RASL12: variants seen among roughly 807,000 people sequenced by gnomAD.
The protein encoded by RASL12 is RAS like family 12.
Under a neutral mutation model 22.9 loss-of-function variants are expected in RASL12, and 16 were observed. That is an observed-to-expected ratio of 0.70 (90% CI 0.47 to 1.06). The LOEUF is 1.06. RASL12 is among the 50% of genes least tolerant of loss of function. The pLI is 0.00. For synonymous variants in RASL12, 159 were observed against 152.2 expected (o/e 1.04, Z -0.33); for missense variants, 306 against 353.1 (o/e 0.87, Z 1.07).
chr15:65,046,354 C>T, the RASL12 span, among the ~76,000 whole-genome samples: 1 of 151,988 alleles, frequency 6.6e-6, no homozygotes, highest in African/African-American at 2.4e-5. Flanking sequence ...CCTATAATCA[C>T]AGCTACTTGG....
intron 1 of RASL12, among the ~76,000 whole-genome samples, chr15:65,076,102 C>T (rs1165906484): frequency 2.0e-5 from 3 of 152,220 alleles, no homozygotes; most frequent in Non-Finnish European, 4.4e-5. Flanking sequence ...AAACAGGCCA[C>T]TTGGCTCTAC....
chr15:65,059,706 G>A (rs1432750050), intron 2 of RASL12, among the ~76,000 whole-genome samples: 1 of 152,154 alleles, frequency 6.6e-6, no homozygotes, highest in Admixed American at 6.5e-5. Context: ...GGATAGAGTC[G>A]AGTGTGTGGC....
At chr15:65,059,236 A>G in intron 3 of RASL12, 109 bp downstream of exon 3, 2 of 893,180 alleles carry the variant, frequency 2.2e-6, no homozygotes, top group South Asian at 1.4e-5. Context: ...AGCAAAGTTG[A>G]GCTTAAAAGG....
chr15:65,076,458 A>C lies in RASL12; in HGVS notation c.70+71T>G, dbSNP rs140745857. The C allele has an allele frequency of 1.7e-3, 1,053 of 609,838 alleles. 9 individuals carry two copies. The highest frequency in any genetic ancestry group is 5.3e-3 in the South Asian group (257 of 48,454). The allele number at this position is 609,838 out of a possible 1,614,324, so 37.8% of individuals were successfully genotyped here. On this transcript the variant is annotated intron_variant, in intron 1 of 4. Coordinates refer to the RASL12 transcript ENST00000434605. Reference sequence around the variant, plus strand: ...GACCATGAACCCACCAGAAGGAAGAAACTCCAAACACATCTGAACATCAGA... The same window carrying C: ...GACCATGAACCCACCAGAAGGAAGACACTCCAAACACATCTGAACATCAGA...
downstream of RASL12, chr15:65,049,806 T>A: frequency 3.5e-4 from 137 of 389,214 alleles, no homozygotes; most frequent in Middle Eastern, 7.1e-4. Flanking sequence ...TTTTGTCCCA[T>A]AACTTTGGGC....
Position 65,076,576 on chromosome 15 carries a change from A to G in RASL12, c.23T>C (p.Leu8Ser), listed in dbSNP as rs766443522. 43 of 702,734 alleles carry G rather than the reference A, an allele frequency of 6.1e-5. 1 individual carries two copies. Among genetic ancestry groups the G allele is most frequent in the African/African-American group, 4.7e-4 (27 of 57,276 alleles). 43.5% of individuals were successfully genotyped at this position (702,734 alleles called of 1,614,324 possible). A position where few individuals can be genotyped will look rare whatever the true frequency, so the allele number is the denominator to read the frequency against. ...CTTGAAGTCAGACCAAGAACCCACC[A>G]ATTCTGGACCCATTATTACCATTTC... Residue 8 changes from leucine to serine, a missense_variant, in exon 1 of 5, where the codon TTG becomes TCG. Transcript: ENST00000434605.
upstream of RASL12, among the ~76,000 whole-genome samples, chr15:65,072,022 C>G (rs1221349879): frequency 6.6e-6 from 1 of 152,222 alleles, no homozygotes; most frequent in Non-Finnish European, 1.5e-5. Context: ...CACTCTTTCC[C>G]TACCACTAAG....
downstream of RASL12, chr15:65,050,111 G>T: frequency 6.4e-7 from 1 of 1,550,570 alleles, no homozygotes; most frequent in South Asian, 1.2e-5. Flanking sequence ...GGTAAGTGGT[G>T]AGAGATTGAC....
chr15:65,068,337 G>GCCC, upstream of RASL12: 4 of 973,358 alleles, frequency 4.1e-6, no homozygotes, highest in Non-Finnish European at 4.9e-6. The surrounding 1 kb of genome is among the most constrained non-coding windows in gnomAD (Gnocchi z 4.2). Flanking sequence ...TACCAAGCCA[G>GCCC]CCCCGCCTCC....
At position 65,067,717 on chromosome 15, in the gene RASL12, C is replaced by T. The variant is rs774114867; in HGVS notation, c.103+16G>A. 9.7e-6 allele frequency: 15 copies of T among 1,540,660 alleles called. No individual in the cohort carries two copies. Among genetic ancestry groups the T allele is most frequent in the Middle Eastern group, 3.4e-4 (2 of 5,968 alleles). Reference sequence around the variant, plus strand: ...AGCTCCGCACTTGGCGGCTCAGGCTCCCCGGCGCCACTCACCAGACTTGCC... The same window carrying T: ...AGCTCCGCACTTGGCGGCTCAGGCTTCCCGGCGCCACTCACCAGACTTGCC... On this transcript the variant is annotated intron_variant, in intron 1 of 4. Coordinates refer to ENST00000220062, the MANE Select transcript of RASL12 (RefSeq NM_016563.4).
intron 4 of RASL12, among the ~76,000 whole-genome samples, chr15:65,057,857 A>T (rs2086751566): frequency 6.6e-6 from 1 of 152,182 alleles, no homozygotes; most frequent in Admixed American, 6.5e-5. Context: ...ACAGAGACCC[A>T]AGAGCGCGGA....
intron 2 of RASL12, among the ~76,000 whole-genome samples, chr15:65,063,839 A>C (rs1176097337): frequency 1.3e-5 from 2 of 152,246 alleles, no homozygotes; most frequent in Non-Finnish European, 2.9e-5. Context: ...GCTGGGCACC[A>C]CTAGGGTAAG....
At chr15:65,050,652 A>T (rs111573357), downstream of RASL12, among the ~76,000 whole-genome samples, 39 of 152,070 alleles carry the variant, frequency 2.6e-4, no homozygotes, top group Non-Finnish European at 5.3e-4. Flanking sequence ...ACATTCCTGG[A>T]GGGAGGACAG....
At chr15:65,059,515 T>TA (rs1264472067) in intron 2 of RASL12, 97 bp from the exon 3 acceptor site, 9 of 909,020 alleles carry the variant, frequency 9.9e-6, no homozygotes, top group Non-Finnish European at 1.6e-5. Flanking sequence ...GGGGGGACCT[T>TA]AGCAGCTGCT....
chr15:65,065,824 G>C lies in RASL12; in HGVS notation c.104-551C>G, dbSNP rs574813327. Among the ~76,000 whole-genome samples, 9 of 152,250 alleles carry C rather than the reference G, an allele frequency of 5.9e-5. No homozygotes were observed. In the East Asian group the frequency reaches 1.7e-3, roughly 29 times the overall value. ...TCCCGAAGAAACACACTCTGGTCCT[G>C]GTCTCCCACATCGCAAGTCTTGGCT... On this transcript the variant is annotated intron_variant, in intron 1 of 4. Transcript: ENST00000220062.
the RASL12 span, among the ~76,000 whole-genome samples, chr15:65,046,773 C>A: frequency 1.3e-5 from 2 of 151,792 alleles, no homozygotes; most frequent in Admixed American, 6.6e-5. Context: ...ATTAGCCGGG[C>A]GTGGTGGCAC....
intron 1 of RASL12, among the ~76,000 whole-genome samples, chr15:65,075,545 C>T (rs1198355577): frequency 6.6e-6 from 1 of 152,220 alleles, no homozygotes; most frequent in African/African-American, 2.4e-5. Context: ...GTGAATACAC[C>T]AATCGGCACT....
chr15:65,046,932 AAC>A, the RASL12 span, among the ~76,000 whole-genome samples: 1 of 152,020 alleles, frequency 6.6e-6, no homozygotes, highest in East Asian at 1.9e-4. Flanking sequence ...AAAACAAAAA[AAC>A]ACCACTCCAC....
rs979048825 is a variant in RASL12, at chr15:65,067,916, G to C, written c.-81C>G. 7.4e-7 allele frequency: 1 copy of C among 1,342,750 alleles called. No homozygotes were observed. Among genetic ancestry groups the C allele is most frequent in the Non-Finnish European group, 9.5e-7 (1 of 1,051,480 alleles). 83.2% of individuals were successfully genotyped at this position (1,342,750 alleles called of 1,614,324 possible). ...CCCGCCCGTCGGGGCCCAGGGGAGCGGGATGCAGGCTTCCCTGGAGCGCGC... is the reference window on the plus strand; with the variant it reads ...CCCGCCCGTCGGGGCCCAGGGGAGCCGGATGCAGGCTTCCCTGGAGCGCGC... On this transcript the variant is annotated 5_prime_UTR_variant, in exon 1 of 5. Coordinates refer to ENST00000220062, the MANE Select transcript of RASL12 (RefSeq NM_016563.4).
Sources: allele counts gnomAD v4.1 joint callset (sites outside exome capture counted in the v4.1 genomes callset), GRCh38; gene constraint gnomAD v4.1.1; non-coding constraint Gnocchi (gnomAD v3.1); transcripts MANE v1.5; gene names NCBI Gene and HGNC (gene_info 2026-07-23, HGNC 2026-07-21).